OLAH: variants seen among roughly 807,000 people sequenced by gnomAD.
OLAH encodes the protein S-acyl fatty acid synthase thioesterase, medium chain.
In OLAH, 33 loss-of-function variants were observed where a neutral mutation model predicts 27.8. The ratio of observed to expected loss-of-function variants is 1.19; its 90% CI spans 0.90 to 1.59. The LOEUF (loss-of-function observed/expected upper bound fraction) is 1.59. OLAH is among the 40% of genes most tolerant of loss of function. The probability of loss-of-function intolerance (pLI) is 0.00; values close to 1 mark genes in which losing one functional copy is unlikely to be tolerated. For missense variants in OLAH, 359 were observed against 310.8 expected (o/e 1.16, Z -1.17); for synonymous variants, 120 against 102.9 (o/e 1.17, Z -1.01).
intron 3 of OLAH, among the ~76,000 whole-genome samples, chr10:15,052,461 CAG>C (rs1034607011): frequency 6.6e-5 from 10 of 152,106 alleles, no homozygotes; most frequent in Admixed American, 5.2e-4. Context: ...TTTGTAGAGA[CAG>C]AGTCTTGCTT....
chr10:15,043,724 T>A (rs144788031), upstream of OLAH, among the ~76,000 whole-genome samples: 6,270 of 152,220 alleles, frequency 0.041, 192 homozygotes, highest in African/African-American at 0.082. Context: ...CACTTTAGCC[T>A]CCCAAAGTGC....
At chr10:15,032,709 C>T (rs954516879) in intron 1 of OLAH, among the ~76,000 whole-genome samples, 6 of 151,524 alleles carry the variant, frequency 4.0e-5, no homozygotes, top group Non-Finnish European at 7.4e-5. Context: ...TTCTCACTAG[C>T]GGTTTATTCT....
chr10:15,045,311 A>T (rs1031218308), intron 1 of OLAH, among the ~76,000 whole-genome samples: 2 of 152,216 alleles, frequency 1.3e-5, no homozygotes, highest in Non-Finnish European at 2.9e-5. Context: ...AATTCAACCT[A>T]ATTTTATGAA....
intron 2 of OLAH, among the ~76,000 whole-genome samples, chr10:15,048,377 C>T (rs1048158458): frequency 6.6e-6 from 1 of 152,160 alleles, no homozygotes; most frequent in East Asian, 1.9e-4. Flanking sequence ...ACCACCACAC[C>T]CAGCTAATTT....
chr10:15,042,849 CTTTTTTTTT>C (rs67828197), upstream of OLAH, among the ~76,000 whole-genome samples: 5 of 60,626 alleles, frequency 8.2e-5, no homozygotes, highest in Admixed American at 2.4e-4. Context: ...ACCCACGTGT[CTTTTTTTTT>C]TTTTTTTTTT....
chr10:15,033,478 G>A (rs1843790379), intron 1 of OLAH, among the ~76,000 whole-genome samples: 1 of 151,940 alleles, frequency 6.6e-6, no homozygotes, highest in Non-Finnish European at 1.5e-5. Flanking sequence ...GAGAGAGGAA[G>A]AAGAAAAAGG....
In OLAH at chr10:15,065,404, C is replaced by T. The variant is rs1589251913; in HGVS notation, c.403-180C>T. 5.3e-6 allele frequency: 3 copies of T among 568,656 alleles called. No homozygotes were observed. The East Asian group carries it at 9.2e-5, about 17-fold the overall frequency. 35.2% of individuals were successfully genotyped at this position (568,656 alleles called of 1,614,324 possible). A position where few individuals can be genotyped will look rare whatever the true frequency, so the allele number is the denominator to read the frequency against. On this transcript the variant is annotated intron_variant, in intron 5 of 7. Coordinates refer to ENST00000378228, the MANE Select transcript of OLAH (RefSeq NM_001039702.3). ...TGGCATTATGATGCTGTAGTTATTA[C>T]TGATGAGCCTTCTTCTCCCTACTTT... is the stretch of plus-strand genomic sequence containing the variant.
Position 15,064,501 on chromosome 10 carries a change from A to C in OLAH, c.401A>C (p.His134Pro), listed in dbSNP as rs771117346. Residue 134 changes from histidine to proline, a missense_variant and splice_region_variant, in exon 5 of 8, where the codon CAT becomes CCT. His to Pro is a moderately conservative substitution (Grantham distance 77). Coordinates refer to ENST00000378228, the MANE Select transcript of OLAH (RefSeq NM_001039702.3). ...HLFLSSATPVHSKAWHRIPKD... is the reference protein window; with the variant it reads ...HLFLSSATPVPSKAWHRIPKD... ...TTTTTGTCAAGTGCAACTCCTGTAC[A>C]TGTAAGTAATTTAGCTTTTTCCTAG... 7.0e-6 allele frequency: 11 copies of C among 1,560,300 alleles called. No homozygotes were observed. In the South Asian group the frequency reaches 9.7e-5, roughly 14 times the overall value.
chr10:15,048,298 A>ACC (rs796491681), intron 2 of OLAH, among the ~76,000 whole-genome samples: 1 of 150,330 alleles, frequency 6.7e-6, no homozygotes, highest in African/African-American at 2.4e-5. Flanking sequence ...GCTCACTGCA[A>ACC]CCCCCCCCTC....
At chr10:15,063,629 A>C (rs1394349644) in intron 4 of OLAH, among the ~76,000 whole-genome samples, 1 of 152,196 alleles carries the variant, frequency 6.6e-6, no homozygotes, top group Non-Finnish European at 1.5e-5. Context: ...TTATACTTTT[A>C]AGATGCATTG....
At chr10:15,067,095 A>G (rs1428880834) in intron 6 of OLAH, among the ~76,000 whole-genome samples, 3 of 152,230 alleles carry the variant, frequency 2.0e-5, no homozygotes, top group Non-Finnish European at 4.4e-5. Context: ...ATCTTTCCAT[A>G]ATGTATACTT....
intron 1 of OLAH, among the ~76,000 whole-genome samples, chr10:15,032,771 A>T (rs1251005462): frequency 6.6e-6 from 1 of 152,242 alleles, no homozygotes; most frequent in African/African-American, 2.4e-5. Context: ...AAAATCAGAA[A>T]GTTCTTAAAT....
chr10:15,052,248 A>C (rs1430978160), intron 3 of OLAH, among the ~76,000 whole-genome samples: 1 of 152,120 alleles, frequency 6.6e-6, no homozygotes, highest in African/African-American at 2.4e-5. Context: ...ATGCCACTGC[A>C]CTCCAGCCTG....
chr10:15,069,203 C>A (rs1350229390), intron 6 of OLAH, among the ~76,000 whole-genome samples: 2 of 152,186 alleles, frequency 1.3e-5, no homozygotes, highest in African/African-American at 4.8e-5. Context: ...TTCTCTCTTG[C>A]AAACACATTT....
intron 3 of OLAH, among the ~76,000 whole-genome samples, chr10:15,051,779 A>C (rs1272554651): frequency 1.3e-5 from 2 of 152,046 alleles, no homozygotes; most frequent in Admixed American, 1.3e-4. Flanking sequence ...AACTTTCCCT[A>C]ATCATGTATT....
chr10:15,058,958 T>TTC (rs1564531440), intron 3 of OLAH, among the ~76,000 whole-genome samples: 1 of 97,614 alleles, frequency 1.0e-5, no homozygotes, highest in East Asian at 3.8e-4. Context: ...CTTCCCTCCC[T>TTC]CCTTCCCTCC....
At chr10:15,050,486 T>C (rs1844113722) in intron 3 of OLAH, among the ~76,000 whole-genome samples, 1 of 151,010 alleles carries the variant, frequency 6.6e-6, no homozygotes, top group Non-Finnish European at 1.5e-5. Flanking sequence ...CAGGCTGGTC[T>C]CAAACTCCTG....
chr10:15,073,001 T>C, intron 7 of OLAH, 86 bp from the exon 8 acceptor site: 1 of 1,255,598 alleles, frequency 8.0e-7, no homozygotes, highest in Non-Finnish European at 1.1e-6. Flanking sequence ...TACTTCAGGG[T>C]GTCAGCTCTT....
chr10:15,065,591 C>T lies in OLAH; in HGVS notation c.410C>T (p.Ala137Val). 1 of 1,609,628 alleles carries T rather than the reference C, an allele frequency of 6.2e-7. No individual in the cohort carries two copies. Among genetic ancestry groups the T allele is most frequent in the Non-Finnish European group, 8.5e-7 (1 of 1,178,516 alleles). ...TGTTGTTCATGTTTCAAGTCAAAGGCCTGGCATCGCATTCCCAAAGATGAT... is the reference window on the plus strand; with the variant it reads ...TGTTGTTCATGTTTCAAGTCAAAGGTCTGGCATCGCATTCCCAAAGATGAT... ...LSSATPVHSK[A>V]WHRIPKDDEL... Residue 137 changes from alanine to valine, a missense_variant, in exon 6 of 8, where the codon GCC becomes GTC. Coordinates refer to ENST00000378228, the MANE Select transcript of OLAH (RefSeq NM_001039702.3).
Sources: allele counts gnomAD v4.1 joint callset (sites outside exome capture counted in the v4.1 genomes callset), GRCh38; gene constraint gnomAD v4.1.1; transcripts MANE v1.5; gene names NCBI Gene and HGNC (gene_info 2026-07-23, HGNC 2026-07-21).